Variants in CHN2 observed in about 807,000 individuals in gnomAD.
CHN2 encodes the protein beta-chimaerin.
In CHN2, 35 loss-of-function variants were observed where a neutral mutation model predicts 56.3. That is an observed-to-expected ratio of 0.62 (90% CI 0.47 to 0.82). The LOEUF (loss-of-function observed/expected upper bound fraction) is 0.82. Ranked by LOEUF, CHN2 falls within the 40% of genes least tolerant of loss-of-function variation. The pLI is 0.00. For synonymous variants in CHN2, 210 were observed against 212.8 expected (o/e 0.99, Z 0.12); for missense variants, 491 against 580.5 (o/e 0.85, Z 1.58).
intron 3 of CHN2, among the ~76,000 whole-genome samples, chr7:29,391,888 A>G (rs1801397927): frequency 6.6e-6 from 1 of 152,236 alleles, no homozygotes; most frequent in East Asian, 1.9e-4. Context: ...TTAAGAATCA[A>G]TTAAATTCAG....
chr7:29,443,738 G>A (rs1783837064), intron 6 of CHN2, among the ~76,000 whole-genome samples: 1 of 152,088 alleles, frequency 6.6e-6, no homozygotes, highest in Admixed American at 6.6e-5. Context: ...CAGGAAAGAG[G>A]AGGGGGTGAG....
intron 1 of CHN2, among the ~76,000 whole-genome samples, chr7:29,250,864 C>T (rs1788451740): frequency 7.7e-6 from 1 of 129,706 alleles, no homozygotes; most frequent in Non-Finnish European, 1.6e-5. Context: ...GCACCCGCCA[C>T]CATGCCAGGC....
chr7:29,241,509 C>T (rs533247867), intron 1 of CHN2, among the ~76,000 whole-genome samples: 7 of 152,174 alleles, frequency 4.6e-5, no homozygotes, highest in Non-Finnish European at 5.9e-5. Context: ...GACCCTCTCC[C>T]GCCTGGCTGT....
chr7:29,374,923 G>A (rs1366694728), intron 3 of CHN2, among the ~76,000 whole-genome samples: 2 of 133,744 alleles, frequency 1.5e-5, no homozygotes. Context: ...TTTCGCTCTC[G>A]TTGGCCCAGG....
At chr7:29,367,910 CT>C in intron 2 of CHN2, 21 bp from the exon 3 acceptor site, 2 of 1,604,084 alleles carry the variant, frequency 1.2e-6, no homozygotes, top group Non-Finnish European at 1.7e-6. Flanking sequence ...ATTTCTCTCT[CT>C]CTCTCTCTCT....
intron 6 of CHN2, among the ~76,000 whole-genome samples, chr7:29,435,691 T>C (rs775018860): frequency 3.3e-5 from 5 of 152,200 alleles, no homozygotes; most frequent in Non-Finnish European, 5.9e-5. Context: ...TGACCAGTCA[T>C]TATGCGGTAC....
Position 29,296,112 on chromosome 7 carries a change from C to G in CHN2, c.50-58513C>G, listed in dbSNP as rs113818369. 9.1e-3 allele frequency among the ~76,000 whole-genome samples: 1,366 copies of G among 149,710 alleles called. 18 individuals carry two copies. Among genetic ancestry groups the G allele is most frequent in the African/African-American group, 0.032 (1,309 of 40,716 alleles). On this transcript the variant is annotated intron_variant, in intron 1 of 12. Transcript: ENST00000222792. ...TTTTTTTTTTTTTTTAAGACAGAGT[C>G]TCGCTCTGTCGCCCAGGCTGGAGTG...
intron 1 of CHN2, among the ~76,000 whole-genome samples, chr7:29,226,092 A>G (rs995954811): frequency 6.6e-6 from 1 of 152,248 alleles, no homozygotes; most frequent in Admixed American, 6.5e-5. Flanking sequence ...TTCTTAAAAA[A>G]TATCTTTTGA....
At chr7:29,207,717 C>T (rs1369129772) in intron 1 of CHN2, among the ~76,000 whole-genome samples, 1 of 152,182 alleles carries the variant, frequency 6.6e-6, no homozygotes, top group Non-Finnish European at 1.5e-5. Context: ...TATGCCCCCA[C>T]TTAGATGGAT....
intron 1 of CHN2, among the ~76,000 whole-genome samples, chr7:29,294,734 G>A (rs1244396450): frequency 3.3e-5 from 5 of 152,148 alleles, no homozygotes; most frequent in Admixed American, 6.5e-5. Flanking sequence ...TTCCCCACAC[G>A]TGTCAGCACA....
At chr7:29,428,166 G>A (rs1323602621) in intron 6 of CHN2, among the ~76,000 whole-genome samples, 1 of 152,232 alleles carries the variant, frequency 6.6e-6, no homozygotes, top group Admixed American at 6.5e-5. Context: ...TCTAAAATGG[G>A]GACTATGATA....
chr7:29,359,626 A>T (rs775388655), intron 2 of CHN2, among the ~76,000 whole-genome samples: 2 of 152,216 alleles, frequency 1.3e-5, no homozygotes, highest in Non-Finnish European at 2.9e-5. Context: ...CCAAAGTATC[A>T]TACATCTGCA....
At chr7:29,279,900 G>A (rs1478726711) in intron 1 of CHN2, among the ~76,000 whole-genome samples, 1 of 152,186 alleles carries the variant, frequency 6.6e-6, no homozygotes, top group Non-Finnish European at 1.5e-5. Context: ...AGCAGTGGGG[G>A]TCTGAATTAG....
rs974875863 is a variant in CHN2, at chr7:29,308,582, G to A, written c.50-46043G>A. Among the ~76,000 whole-genome samples the A allele has an allele frequency of 4.6e-5, 7 of 152,140 alleles. 1 individual carries two copies. The highest frequency in any genetic ancestry group is 4.6e-4 in the Admixed American group (7 of 15,274). On this transcript the variant is annotated intron_variant, in intron 1 of 12. Coordinates refer to ENST00000222792, the MANE Select transcript of CHN2 (RefSeq NM_004067.4). The stretch of plus-strand genomic sequence containing the variant: ...GGTGCCTTCTCGGAATCCTTAGCAG[G>A]ATCTCTGCAGTCACCTGCTGAGGAG...
chr7:29,495,954 C>T lies in CHN2; in HGVS notation c.657C>T (p.Val219=). The T allele has an allele frequency of 1.2e-6, 2 of 1,613,008 alleles. No homozygotes were observed. Among genetic ancestry groups the T allele is most frequent in the Non-Finnish European group, 1.7e-6 (2 of 1,179,466 alleles). Reference sequence around the variant, plus strand: ...TTTTTCTTCTTTTTGGATCACAGGTCCACACGTTCCGAGGCCCACACTGGT... The same window carrying T: ...TTTTTCTTCTTTTTGGATCACAGGTTCACACGTTCCGAGGCCCACACTGGT... ...FNYEKTHNFK[V]HTFRGPHWCE... The change falls in exon 8 of 13, where the codon GTC becomes GTT. Residue 219 remains valine, a splice_region_variant and synonymous_variant. Coordinates refer to ENST00000222792, the MANE Select transcript of CHN2 (RefSeq NM_004067.4).
chr7:29,330,267 G>A (rs914570565), intron 1 of CHN2, among the ~76,000 whole-genome samples: 6 of 152,206 alleles, frequency 3.9e-5, no homozygotes, highest in Admixed American at 2.6e-4. Context: ...ATAGTGGTTC[G>A]TAGTAAAGTG....
intron 6 of CHN2, among the ~76,000 whole-genome samples, chr7:29,434,551 A>G (rs938589822): frequency 1.3e-5 from 2 of 151,868 alleles, no homozygotes; most frequent in Admixed American, 1.3e-4. Context: ...CCATTGTCAC[A>G]TGGCATTTTC....
At chr7:29,409,234 A>G (rs947175725) in intron 6 of CHN2, among the ~76,000 whole-genome samples, 8 of 152,196 alleles carry the variant, frequency 5.3e-5, no homozygotes, top group Non-Finnish European at 1.2e-4. Context: ...TCTCGGCCTC[A>G]GGACCCCTCT....
intron 2 of CHN2, among the ~76,000 whole-genome samples, chr7:29,167,510 A>G (rs1375883244): frequency 6.6e-6 from 1 of 152,216 alleles, no homozygotes; most frequent in East Asian, 1.9e-4. Context: ...ATGCAAAACT[A>G]TTTCTAAAGT....
Sources: gnomAD v4.1 joint callset for allele counts (sites outside exome capture counted in the v4.1 genomes callset) on GRCh38, gnomAD v4.1.1 for gene constraint, MANE v1.5 for transcripts, NCBI Gene and HGNC (gene_info 2026-07-23, HGNC 2026-07-21) for gene names.